The following DCDC2C variants were observed in gnomAD, a reference collection of about 807,000 sequenced individuals.
The protein encoded by DCDC2C is doublecortin domain-containing protein 2C.
Under a neutral mutation model 45.0 loss-of-function variants are expected in DCDC2C, and 44 were observed. That is an observed-to-expected ratio of 0.98 (90% CI 0.77 to 1.26). DCDC2C has a LOEUF of 1.26. DCDC2C is among the 50% of genes most tolerant of loss of function. The probability of loss-of-function intolerance (pLI) is 0.00; values close to 1 mark genes in which losing one functional copy is unlikely to be tolerated. For missense variants in DCDC2C, 447 were observed against 468.9 expected (o/e 0.95, Z 0.43); for synonymous variants, 187 against 178.8 (o/e 1.05, Z -0.37).
chr2:3,723,260 C>T (rs992959297), intron 2 of DCDC2C, among the ~76,000 whole-genome samples: 16 of 152,162 alleles, frequency 1.1e-4, no homozygotes, highest in South Asian at 2.1e-4. Flanking sequence ...TTCCATTCTA[C>T]AAAGGACGAT....
rs931969960 is a variant in DCDC2C, at chr2:3,761,109, G to A, written c.726+6475G>A. Reference sequence around the variant, plus strand: ...CTCATTATATAGCATTCAGTTTTACGGGAACTGCATTTACTGTGATTTTAA... The same window carrying A: ...CTCATTATATAGCATTCAGTTTTACAGGAACTGCATTTACTGTGATTTTAA... On this transcript the variant is annotated intron_variant, in intron 6 of 10. Coordinates refer to ENST00000399143, the MANE Select transcript of DCDC2C (RefSeq NM_001287444.2). The surrounding 1 kb of genome is among the most constrained non-coding windows in gnomAD (Gnocchi z 4.3). Among the ~76,000 whole-genome samples, 1 of 152,122 alleles carries A rather than the reference G, an allele frequency of 6.6e-6. No homozygotes were observed. Among genetic ancestry groups the A allele is most frequent in the Non-Finnish European group, 1.5e-5 (1 of 68,030 alleles).
intron 10 of DCDC2C, among the ~76,000 whole-genome samples, chr2:3,832,454 G>C (rs556382870): frequency 5.3e-5 from 8 of 152,202 alleles, no homozygotes; most frequent in Non-Finnish European, 7.3e-5. Context: ...AGCAACCTTT[G>C]TGTTTGTAGG....
intron 3 of DCDC2C, among the ~76,000 whole-genome samples, chr2:3,729,403 CAG>C (rs1292637611): frequency 6.6e-6 from 1 of 152,224 alleles, no homozygotes; most frequent in Non-Finnish European, 1.5e-5. Flanking sequence ...GCGGCAAAAA[CAG>C]ATTTTATTTA....
intron 10 of DCDC2C, among the ~76,000 whole-genome samples, chr2:3,801,110 G>C (rs1416206428): frequency 6.6e-6 from 1 of 152,194 alleles, no homozygotes; most frequent in Admixed American, 6.5e-5. Context: ...GATGAGGATG[G>C]TGGTGATAGC....
At chr2:3,723,685 G>A (rs1046395024) in intron 2 of DCDC2C, among the ~76,000 whole-genome samples, 1 of 152,144 alleles carries the variant, frequency 6.6e-6, no homozygotes, top group Non-Finnish European at 1.5e-5. Flanking sequence ...GGATTGTCTC[G>A]GGGCAGGGGA....
intron 10 of DCDC2C, among the ~76,000 whole-genome samples, chr2:3,839,084 G>A (rs1263036676): frequency 6.6e-6 from 1 of 152,286 alleles, no homozygotes; most frequent in South Asian, 2.1e-4. Flanking sequence ...TAGGGCCACA[G>A]GGGGACAGGA....
chr2:3,722,559 T>C (rs1387900179), intron 2 of DCDC2C, among the ~76,000 whole-genome samples: 1 of 152,232 alleles, frequency 6.6e-6, no homozygotes, highest in Non-Finnish European at 1.5e-5. Context: ...TGAATTGCCT[T>C]GGTTGAAGAG....
At chr2:3,846,931 A>G (rs1018033772) in intron 10 of DCDC2C, among the ~76,000 whole-genome samples, 2 of 152,238 alleles carry the variant, frequency 1.3e-5, no homozygotes, top group Non-Finnish European at 2.9e-5. Context: ...ATCAGTGTCC[A>G]GGTTTCCTGC....
intron 10 of DCDC2C, among the ~76,000 whole-genome samples, chr2:3,791,754 C>A (rs559902166): frequency 1.3e-5 from 2 of 152,330 alleles, no homozygotes; most frequent in South Asian, 4.1e-4. Context: ...GCTGGGCCAG[C>A]ACTCTTCCTC....
chr2:3,789,785 G>T (rs567175020), intron 10 of DCDC2C, among the ~76,000 whole-genome samples: 242 of 152,298 alleles, frequency 1.6e-3, no homozygotes, highest in Admixed American at 3.1e-3. Flanking sequence ...AGAGAGATTT[G>T]ATCCTCTTGT....
intron 10 of DCDC2C, among the ~76,000 whole-genome samples, chr2:3,834,819 C>A (rs1055361167): frequency 2.6e-5 from 4 of 152,268 alleles, no homozygotes; most frequent in African/African-American, 9.6e-5. Context: ...AAATGTCCAT[C>A]AAGTGGGATG....
At chr2:3,779,775 C>CT (rs35688291) in intron 9 of DCDC2C, among the ~76,000 whole-genome samples, 50,661 of 151,436 alleles carry the variant, frequency 0.33, 8,589 homozygotes, top group South Asian at 0.45. Flanking sequence ...CCGGGAGTCA[C>CT]TTTTTTTTGC....
chr2:3,710,631 C>T (rs13016525), intron 2 of DCDC2C, among the ~76,000 whole-genome samples: 43,648 of 151,890 alleles, frequency 0.29, 7,433 homozygotes, highest in Non-Finnish European at 0.4. Context: ...CCATTCCCTC[C>T]GTCCGCCATC....
intron 3 of DCDC2C, among the ~76,000 whole-genome samples, chr2:3,739,728 G>A (rs1669147113): frequency 6.6e-6 from 1 of 152,216 alleles, no homozygotes; most frequent in South Asian, 2.1e-4. Flanking sequence ...TGATCCAGTT[G>A]TTCTGGTACA....
chr2:3,790,835 G>A (rs1971216), intron 10 of DCDC2C, among the ~76,000 whole-genome samples: 19,905 of 152,170 alleles, frequency 0.13, 1,450 homozygotes, highest in East Asian at 0.28. Flanking sequence ...TAGGCCGGGC[G>A]CGGTGGTTCA....
At chr2:3,747,258 A>G (rs1260322932) in intron 4 of DCDC2C, among the ~76,000 whole-genome samples, 1 of 152,184 alleles carries the variant, frequency 6.6e-6, no homozygotes, top group African/African-American at 2.4e-5. Flanking sequence ...GCTCAGTGTC[A>G]GTCATGCTGC....
At position 3,727,013 on chromosome 2, in the gene DCDC2C, T is replaced by C; in HGVS notation, c.350T>C (p.Val117Ala). The change falls in exon 3 of 11, where the codon GTG (valine) becomes GCG (alanine). Residue 117 changes from valine (V) to alanine (A), a missense_variant. Val to Ala is a moderately conservative substitution (Grantham distance 64). Coordinates refer to ENST00000399143, the MANE Select transcript of DCDC2C (RefSeq NM_001287444.2). ...TTTTTCCTTTTTCAGATCAAACCAGTGGTGCATTGTGATATAAATGTGCCT... is the reference window on the plus strand; with the variant it reads ...TTTTTCCTTTTTCAGATCAAACCAGCGGTGCATTGTGATATAAATGTGCCT... The part of the protein sequence containing the change: ...KIRKLKEIKP[V>A]VHCDINVPSK... The C allele has an allele frequency of 6.4e-7, 1 of 1,550,482 alleles. No individual in the cohort carries two copies. Among genetic ancestry groups the C allele is most frequent in the Non-Finnish European group, 8.7e-7 (1 of 1,146,908 alleles).
At chr2:3,726,430 T>A (rs754518871) in intron 2 of DCDC2C, among the ~76,000 whole-genome samples, 8 of 152,144 alleles carry the variant, frequency 5.3e-5, no homozygotes, top group Non-Finnish European at 5.9e-5. Context: ...TTTTCCCCCT[T>A]TGTGTCTTAT....
chr2:3,778,833 TAAAG>T lies in DCDC2C; in HGVS notation c.975_978del (p.Glu326MetfsTer37). On this transcript the variant is annotated frameshift_variant, in exon 9 of 11. Transcript: ENST00000399143. LOFTEE classifies it high-confidence loss of function. ...CTCCCCAGAGACAAGCTGAGATAGT[TAAAG>T]AAGATGAAGAGATACATGAGAACAC... 2 of 1,551,050 alleles carry T rather than the reference TAAAG, an allele frequency of 1.3e-6. No homozygotes were observed. Among genetic ancestry groups the T allele is most frequent in the Non-Finnish European group, 1.7e-6 (2 of 1,147,084 alleles).
Sources: gnomAD v4.1 joint callset for allele counts (sites outside exome capture counted in the v4.1 genomes callset) on GRCh38, gnomAD v4.1.1 for gene constraint, Gnocchi (gnomAD v3.1) non-coding constraint, MANE v1.5 for transcripts, NCBI Gene and HGNC (gene_info 2026-07-23, HGNC 2026-07-21) for gene names.